MYCBP2: variants seen among roughly 807,000 people sequenced by gnomAD.
MYCBP2 encodes the protein MYC binding protein 2, also known as E3 ubiquitin-protein ligase MYCBP2.
A neutral mutation model predicts 525.3 loss-of-function variants in MYCBP2; 120 were observed. The observed-to-expected ratio is 0.23, with a 90% confidence interval of 0.20 to 0.27. The LOEUF (loss-of-function observed/expected upper bound fraction) is 0.27, where lower values mean the gene tolerates loss of function less well. Among genes scored for constraint, MYCBP2 ranks in the 10% least tolerant of loss-of-function variants. The pLI, the probability that MYCBP2 is intolerant of heterozygous loss-of-function variation, is 1.00. For missense variants in MYCBP2, 4,149 were observed against 5,657.1 expected (o/e 0.73, Z 8.55); for synonymous variants, 1,894 against 1,955.8 (o/e 0.97, Z 0.83).
chr13:77,175,965 T>A (rs1054292029), intron 36 of MYCBP2, among the ~76,000 whole-genome samples: 62 of 138,682 alleles, frequency 4.5e-4, no homozygotes, highest in Non-Finnish European at 6.7e-4. Flanking sequence ...TAAAAAAAAA[T>A]AATAATAATA....
chr13:77,186,214 A>G, intron 30 of MYCBP2, 151 bp from the exon 31 acceptor site: 1 of 520,058 alleles, frequency 1.9e-6, no homozygotes. Context: ...TGAGCCCAAG[A>G]CACTTTTATA....
chr13:77,316,200 T>C (rs1026706819), intron 1 of MYCBP2, among the ~76,000 whole-genome samples: 4 of 152,148 alleles, frequency 2.6e-5, no homozygotes, highest in African/African-American at 9.7e-5. Context: ...TTAAAGTTAA[T>C]AAATGAGCTT....
chr13:77,086,911 C>T (rs7323733), intron 62 of MYCBP2, among the ~76,000 whole-genome samples: 110,811 of 151,956 alleles, frequency 0.73, 41,672 homozygotes, highest in Middle Eastern at 0.84. Context: ...TTCATCACTT[C>T]ATATTTCTTC....
intron 3 of MYCBP2, among the ~76,000 whole-genome samples, chr13:77,281,929 C>G (rs921555104): frequency 6.6e-6 from 1 of 152,068 alleles, no homozygotes; most frequent in South Asian, 2.1e-4. Context: ...AAAAGGAAAT[C>G]AAAATTATAT....
At chr13:77,187,725 G>A (rs1298596432) in intron 30 of MYCBP2, among the ~76,000 whole-genome samples, 3 of 152,078 alleles carry the variant, frequency 2.0e-5, no homozygotes, top group Non-Finnish European at 2.9e-5. Context: ...TATTTGATAC[G>A]TACTAATAAG....
At chr13:77,121,950 A>C (rs532518436) in intron 54 of MYCBP2, among the ~76,000 whole-genome samples, 1 of 152,242 alleles carries the variant, frequency 6.6e-6, no homozygotes, top group South Asian at 2.1e-4. Flanking sequence ...TCATTTGTTA[A>C]CTGTTCTAAG....
In MYCBP2 at chr13:77,140,099, C is replaced by T; in HGVS notation, c.7466G>A (p.Ser2489Asn). Residue 2489 changes from serine to asparagine, a missense_variant, in exon 51 of 83, where the codon AGT (serine) becomes AAT (asparagine). Ser to Asn is a conservative substitution (Grantham distance 46). Transcript: ENST00000544440. The stretch of plus-strand genomic sequence containing the variant: ...GACTTTCACTATGCCTATCTGCTCA[C>T]TCTGAAGGGAAGGGTGGCTACGGAT... ...LRIRSHPSLQ[S>N]EQIGIVKVNG... 2 of 1,613,380 alleles carry T rather than the reference C, an allele frequency of 1.2e-6. No homozygotes were observed. Among genetic ancestry groups the T allele is most frequent in the Non-Finnish European group, 1.7e-6 (2 of 1,179,842 alleles).
intron 82 of MYCBP2, among the ~76,000 whole-genome samples, chr13:77,047,561 G>A (rs2035824357): frequency 6.6e-6 from 1 of 152,140 alleles, no homozygotes; most frequent in African/African-American, 2.4e-5. Context: ...AGGTCCACAG[G>A]TCAGTGCCTC....
rs1342426881 is a variant in MYCBP2, at chr13:77,268,333, AT to A, written c.1261-397del. The stretch of plus-strand genomic sequence containing the variant: ...GCATAGTGGTTTCAGAAGGTGTGGT[AT>A]GCCATTGAACACACTGCTATAATAA... On this transcript the variant is annotated intron_variant, in intron 7 of 82. Coordinates refer to ENST00000544440, the MANE Select transcript of MYCBP2 (RefSeq NM_015057.5). 1.0e-3 allele frequency among the ~76,000 whole-genome samples: 157 copies of A among 152,346 alleles called. 1 individual carries two copies. Among genetic ancestry groups the A allele is most frequent in the Middle Eastern group, 3.4e-3 (1 of 294 alleles).
In MYCBP2 at chr13:77,093,226, G is replaced by A. The variant is rs1353240755; in HGVS notation, c.10306C>T (p.Pro3436Ser). The part of the protein sequence containing the change: ...SVPAPYISVT[P>S]DASPNVFEEP... ...TCAAATACATTAGGACTTGCATCAG[G>A]AGTTACTGATATATACGGGGCAGGT... Residue 3436 changes from proline to serine, a missense_variant, in exon 59 of 83, where the codon CCT (proline) becomes TCT (serine). Pro to Ser is a moderately conservative substitution (Grantham distance 74). Coordinates refer to ENST00000544440, the MANE Select transcript of MYCBP2 (RefSeq NM_015057.5). The A allele has an allele frequency of 6.2e-7, 1 of 1,613,298 alleles. No homozygotes were observed. The highest frequency in any genetic ancestry group is 2.2e-5 in the East Asian group (1 of 44,836).
intron 26 of MYCBP2, among the ~76,000 whole-genome samples, chr13:77,200,990 A>G (rs2062463010): frequency 6.6e-6 from 1 of 152,152 alleles, no homozygotes; most frequent in Non-Finnish European, 1.5e-5. Context: ...TCAATTAACG[A>G]GCAAAATAAC....
intron 43 of MYCBP2, among the ~76,000 whole-genome samples, chr13:77,163,457 G>C (rs1474912282): frequency 6.6e-6 from 1 of 152,082 alleles, no homozygotes; most frequent in Non-Finnish European, 1.5e-5. Flanking sequence ...ACAGTGGGAA[G>C]AGTAATCTTC....
intron 56 of MYCBP2, among the ~76,000 whole-genome samples, chr13:77,097,088 G>A (rs891647703): frequency 1.3e-5 from 2 of 152,182 alleles, no homozygotes; most frequent in African/African-American, 4.8e-5. Flanking sequence ...TGTTTCTGCT[G>A]TGTGAGACAG....
chr13:77,252,312 G>A (rs1293053199), intron 14 of MYCBP2, among the ~76,000 whole-genome samples: 1 of 151,912 alleles, frequency 6.6e-6, no homozygotes, highest in Non-Finnish European at 1.5e-5. Flanking sequence ...TTAGCTTAGA[G>A]GGCTATATAA....
intron 65 of MYCBP2, among the ~76,000 whole-genome samples, chr13:77,080,099 T>C (rs2043043656): frequency 6.6e-6 from 1 of 152,228 alleles, no homozygotes; most frequent in Non-Finnish European, 1.5e-5. Context: ...TTTGTTACAC[T>C]TGACTTTCCA....
intron 2 of MYCBP2, among the ~76,000 whole-genome samples, chr13:77,294,782 T>C (rs943986915): frequency 3.3e-5 from 5 of 152,188 alleles, no homozygotes; most frequent in African/African-American, 1.2e-4. Flanking sequence ...TGAGAAGGGA[T>C]ACAGTGAACA....
At chr13:77,222,407 TAAG>T (rs56063348) in intron 20 of MYCBP2, among the ~76,000 whole-genome samples, 66,815 of 151,822 alleles carry the variant, frequency 0.44, 18,366 homozygotes, top group Non-Finnish European at 0.62. Context: ...GTGTTTTTAA[TAAG>T]AAGTTCAACT....
At chr13:77,286,140 G>T (rs1004095065) in intron 3 of MYCBP2, among the ~76,000 whole-genome samples, 5 of 152,164 alleles carry the variant, frequency 3.3e-5, no homozygotes, top group African/African-American at 1.2e-4. Context: ...ATTAAGGATG[G>T]TGGTGTACTT....
At chr13:77,175,854 G>A (rs1170368007) in intron 36 of MYCBP2, among the ~76,000 whole-genome samples, 1 of 151,688 alleles carries the variant, frequency 6.6e-6, no homozygotes, top group Non-Finnish European at 1.5e-5. Flanking sequence ...CTACTCGGGA[G>A]GCTGACACAG....
Sources: gnomAD v4.1 joint callset for allele counts (sites outside exome capture counted in the v4.1 genomes callset) on GRCh38, gnomAD v4.1.1 for gene constraint, MANE v1.5 for transcripts, NCBI Gene and HGNC (gene_info 2026-07-23, HGNC 2026-07-21) for gene names.